Variants in KCNA4 observed in about 807,000 individuals in gnomAD.
KCNA4 encodes cardiac potassium channel.
A neutral mutation model predicts 37.2 loss-of-function variants in KCNA4; 5 were observed. That is an observed-to-expected ratio of 0.13 (90% CI 0.07 to 0.28). The LOEUF (loss-of-function observed/expected upper bound fraction) is 0.28, where lower values mean the gene tolerates loss of function less well. Among genes scored for constraint, KCNA4 ranks in the 10% least tolerant of loss-of-function variants. The pLI, the probability that KCNA4 is intolerant of heterozygous loss-of-function variation, is 1.00. For missense variants in KCNA4, 634 were observed against 817.4 expected, an observed-to-expected ratio of 0.78 and a Z score of 2.74; for synonymous variants, 350 against 311.8, an observed-to-expected ratio of 1.12 and a Z score of -1.29.
In KCNA4 at chr11:30,010,699, T is replaced by C. The variant is rs528239901; in HGVS notation, c.*18A>G. ...TTTGGAGATGCTGAGGGGGGAGCAG[T>C]GGCAGGTGGAAAAAGATTCACACAT... is the stretch of plus-strand genomic sequence containing the variant. On this transcript the variant is annotated 3_prime_UTR_variant, in exon 2 of 2. Coordinates refer to ENST00000328224, the MANE Select transcript of KCNA4 (RefSeq NM_002233.4). 1 of 1,574,902 alleles carries C rather than the reference T, an allele frequency of 6.3e-7. No homozygotes were observed. Among genetic ancestry groups the C allele is most frequent in the Admixed American group, 1.8e-5 (1 of 54,724 alleles).
chr11:30,011,430 T>C lies in KCNA4; in HGVS notation c.1249A>G (p.Ile417Val). The C allele has an allele frequency of 1.2e-6, 2 of 1,614,168 alleles. No individual in the cohort carries two copies. Among genetic ancestry groups the C allele is most frequent in the Non-Finnish European group, 1.7e-6 (2 of 1,180,032 alleles). ...IDIVSILPYF[I>V]TLGTDLAQQQ... ...TGGGCCAGGTCAGTGCCCAGTGTGA[T>C]GAAGTAAGGCAAAATGGAGACAATG... Residue 417 changes from isoleucine to valine, a missense_variant, in exon 2 of 2, where the codon ATC becomes GTC. Physicochemically the swap from Ile to Val is conservative, Grantham distance 29 (BLOSUM62 3). Transcript: ENST00000328224. This position sits in a 1 kb window ranked among gnomAD's most constrained non-coding sequence, Gnocchi z 5.6.
chr11:30,012,955 A>T lies in KCNA4; in HGVS notation c.-277T>A. On this transcript the variant is annotated 5_prime_UTR_variant, in exon 2 of 2. Coordinates refer to ENST00000328224, the MANE Select transcript of KCNA4 (RefSeq NM_002233.4). Reference sequence around the variant, plus strand: ...AGACTAAGAAGTCCGAAAATGCTGGAGTCTCTCAGACACCTATGTTTTGGG... The same window carrying T: ...AGACTAAGAAGTCCGAAAATGCTGGTGTCTCTCAGACACCTATGTTTTGGG... 1 of 353,512 alleles carries T rather than the reference A, an allele frequency of 2.8e-6. No individual in the cohort carries two copies. The highest frequency in any genetic ancestry group is 5.3e-6 in the Non-Finnish European group (1 of 190,320). 21.9% of individuals were successfully genotyped at this position (353,512 alleles called of 1,614,324 possible).
Position 30,012,319 on chromosome 11 carries a change from C to A in KCNA4, c.360G>T (p.Glu120Asp). The A allele has an allele frequency of 6.2e-7, 1 of 1,614,088 alleles. No individual in the cohort carries two copies. The highest frequency in any genetic ancestry group is 1.1e-5 in the South Asian group (1 of 91,074). The change falls in exon 2 of 2, where the codon GAG (glutamate) becomes GAT (aspartate). Residue 120 changes from glutamate (E) to aspartate (D), a missense_variant. This residue lies in a region of KCNA4 where 236 missense variants were observed against 229.5 expected (regional missense o/e 1.03). Transcript: ENST00000328224. ...PSGSEEKILRELSEEEEDEEE... is the reference protein window; with the variant it reads ...PSGSEEKILRDLSEEEEDEEE... ...CCTCATCTTCCTCCTCCTCACTCAG[C>A]TCCCTCAGGATCTTCTCCTCAGAGC...
rs1850303149 is a variant in KCNA4 at position 30,011,538 on chromosome 11, A to G, written c.1141T>C (p.Trp381Arg). The G allele has an allele frequency of 6.2e-7, 1 of 1,614,052 alleles. No individual in the cohort carries two copies. Among genetic ancestry groups the G allele is most frequent in the Non-Finnish European group, 8.5e-7 (1 of 1,180,036 alleles). Residue 381 changes from tryptophan to arginine, a missense_variant, in exon 2 of 2, where the codon TGG becomes CGG. Physicochemically the swap from Trp to Arg is moderately radical, Grantham distance 101 (BLOSUM62 -3). Around this residue, in one of 8 missense-constraint regions of KCNA4, gnomAD observed 252 missense variants for 344.2 expected, o/e 0.73. Transcript: ENST00000328224. The surrounding 1 kb of genome is among the most constrained non-coding windows in gnomAD (Gnocchi z 5.6). ...FFIVETVCIVWFSFEFVVRCF... is the reference protein window; with the variant it reads ...FFIVETVCIVRFSFEFVVRCF... ...CGAACCACAAACTCAAAGGAAAACC[A>G]TACAATACAGACTGTTTCCACGATG...
At position 30,010,557 on chromosome 11, in the gene KCNA4, G is replaced by T; in HGVS notation, c.*160C>A. Reference sequence around the variant, plus strand: ...CCAAGATGTATCATTTATTTGATATGTAATACAAGTTTAGTAACAATTATG... The same window carrying T: ...CCAAGATGTATCATTTATTTGATATTTAATACAAGTTTAGTAACAATTATG... On this transcript the variant is annotated 3_prime_UTR_variant, in exon 2 of 2. Coordinates refer to ENST00000328224, the MANE Select transcript of KCNA4 (RefSeq NM_002233.4). The T allele has an allele frequency of 9.6e-7, 1 of 1,036,708 alleles. No individual in the cohort carries two copies. The highest frequency in any genetic ancestry group is 1.3e-6 in the Non-Finnish European group (1 of 765,578). 64.2% of individuals were successfully genotyped at this position (1,036,708 alleles called of 1,614,324 possible). A position where few individuals can be genotyped will look rare whatever the true frequency, so the allele number is the denominator to read the frequency against.
Position 30,010,344 on chromosome 11 carries a change from C to T in KCNA4, c.*373G>A, listed in dbSNP as rs541223896. 1.6e-4 allele frequency: 33 copies of T among 200,480 alleles called. No individual in the cohort carries two copies. Among genetic ancestry groups the T allele is most frequent in the Non-Finnish European group, 2.9e-4 (29 of 100,654 alleles). The allele number at this position is 200,480 out of a possible 1,614,324, so 12.4% of individuals were successfully genotyped here. A position where few individuals can be genotyped will look rare whatever the true frequency, so the allele number is the denominator to read the frequency against. On this transcript the variant is annotated 3_prime_UTR_variant, in exon 2 of 2. Coordinates refer to ENST00000328224, the MANE Select transcript of KCNA4 (RefSeq NM_002233.4). ...CTTACATAGTAAATACTTCAAAATG[C>T]CAACTTTTCCCTTCACTGCACAATT...
Position 30,011,802 on chromosome 11 carries a change from T to C in KCNA4, c.877A>G (p.Ile293Val). ...TCTGGATATTCAAAGAGGAGCCAAA[T>C]CTGCTTTTTAAATTCATTCTCGGGG... ...ALPENEFKKQ[I>V]WLLFEYPESS... The change falls in exon 2 of 2, where the codon ATT (isoleucine) becomes GTT (valine). Residue 293 changes from isoleucine (I) to valine (V), a missense_variant. Around this residue, in one of 8 missense-constraint regions of KCNA4, gnomAD observed 252 missense variants for 344.2 expected, o/e 0.73. Coordinates refer to ENST00000328224, the MANE Select transcript of KCNA4 (RefSeq NM_002233.4). The surrounding 1 kb of genome is among the most constrained non-coding windows in gnomAD (Gnocchi z 5.6). 1 of 1,614,002 alleles carries C rather than the reference T, an allele frequency of 6.2e-7. No homozygotes were observed. Among genetic ancestry groups the C allele is most frequent in the South Asian group, 1.1e-5 (1 of 91,070 alleles).
At chr11:30,016,180 A>ACCGGC (rs1302996175) in intron 1 of KCNA4, among the ~76,000 whole-genome samples, 1 of 152,054 alleles carries the variant, frequency 6.6e-6, no homozygotes, top group Non-Finnish European at 1.5e-5. Context: ...AGACCCGTTC[A>ACCGGC]CCGGCTGTTC....
intron 1 of KCNA4, among the ~76,000 whole-genome samples, chr11:30,015,296 T>A (rs1850340979): frequency 1.3e-5 from 2 of 152,160 alleles, no homozygotes; most frequent in Non-Finnish European, 2.9e-5. Context: ...TCAAGACCGG[T>A]ACAGACCAAA....
rs758000088 is a variant in KCNA4, at chr11:30,011,559, C to T, written c.1120G>A (p.Val374Met). The T allele has an allele frequency of 2.7e-5, 43 of 1,613,940 alleles. No homozygotes were observed. The highest frequency in any genetic ancestry group is 6.7e-5 in the Admixed American group (4 of 59,988). ...HTIFNDPFFI[V>M]ETVCIVWFSF... The stretch of plus-strand genomic sequence containing the variant: ...AACCATACAATACAGACTGTTTCCA[C>T]GATGAAGAAGGGGTCATTGAATATT... Residue 374 changes from valine to methionine, a missense_variant, in exon 2 of 2, where the codon GTG becomes ATG. By Grantham distance (21) the Val-to-Met change is conservative. Around this residue, in one of 8 missense-constraint regions of KCNA4, gnomAD observed 252 missense variants for 344.2 expected, o/e 0.73. Coordinates refer to ENST00000328224, the MANE Select transcript of KCNA4 (RefSeq NM_002233.4). This position sits in a 1 kb window ranked among gnomAD's most constrained non-coding sequence, Gnocchi z 5.6.
chr11:30,012,413 C>T lies in KCNA4; in HGVS notation c.266G>A (p.Arg89Gln), dbSNP rs779101828. The T allele has an allele frequency of 3.3e-5, 54 of 1,613,790 alleles. No homozygotes were observed. In the Middle Eastern group the frequency reaches 8.2e-4, roughly 25 times the overall value. Reference sequence around the variant, plus strand: ...GTAGTGGGCTTTCTTCTTCTCAGACCGCTGTCGCCTCCTCCTCCGACTACC... The same window carrying T: ...GTAGTGGGCTTTCTTCTTCTCAGACTGCTGTCGCCTCCTCCTCCGACTACC... ...SRGSRRRRRQ[R>Q]SEKKKAHYRQ... The change falls in exon 2 of 2, where the codon CGG (arginine) becomes CAG (glutamine). Residue 89 changes from arginine to glutamine, a missense_variant. By Grantham distance (43) the Arg-to-Gln change is conservative (BLOSUM62 1). Around this residue, in one of 8 missense-constraint regions of KCNA4, gnomAD observed 236 missense variants for 229.5 expected, o/e 1.03. Transcript: ENST00000328224.
At position 30,012,656 on chromosome 11, in the gene KCNA4, G is replaced by A. The variant is rs1221863870; in HGVS notation, c.23C>T (p.Ala8Val). 7 of 1,561,882 alleles carry A rather than the reference G, an allele frequency of 4.5e-6. No individual in the cohort carries two copies. Among genetic ancestry groups the A allele is most frequent in the Admixed American group, 1.9e-5 (1 of 52,276 alleles). Residue 8 changes from alanine to valine, a missense_variant, in exon 2 of 2, where the codon GCG becomes GTG. Coordinates refer to ENST00000328224, the MANE Select transcript of KCNA4 (RefSeq NM_002233.4). ...GTGACTGTTGCACCCTGAGCTCTCC[G>A]CACTCACCATTGCAACCTCCATGGT... Reference protein sequence around the residue: MEVAMVSAESSGCNSHMP... With the variant: MEVAMVSVESSGCNSHMP...
Position 30,012,637 on chromosome 11 carries a change from G to C in KCNA4, c.42C>G (p.Asn14Lys), listed in dbSNP as rs1398311354. 6.3e-7 allele frequency: 1 copy of C among 1,593,528 alleles called. No individual in the cohort carries two copies. Among genetic ancestry groups the C allele is most frequent in the Admixed American group, 1.7e-5 (1 of 58,302 alleles). ...AMVSAESSGCNSHMPYGYAAQ... is the reference protein window; with the variant it reads ...AMVSAESSGCKSHMPYGYAAQ... ...CAGCATAACCATAAGGCATGTGACTGTTGCACCCTGAGCTCTCCGCACTCA... is the reference window on the plus strand; with the variant it reads ...CAGCATAACCATAAGGCATGTGACTCTTGCACCCTGAGCTCTCCGCACTCA... The change falls in exon 2 of 2, where the codon AAC becomes AAG. Residue 14 changes from asparagine to lysine, a missense_variant. Physicochemically the swap from Asn to Lys is moderately conservative, Grantham distance 94. Around this residue, in one of 8 missense-constraint regions of KCNA4, gnomAD observed 236 missense variants for 229.5 expected, o/e 1.03. Coordinates refer to ENST00000328224, the MANE Select transcript of KCNA4 (RefSeq NM_002233.4).
At chr11:30,014,534 C>A (rs1850334324) in intron 1 of KCNA4, among the ~76,000 whole-genome samples, 1 of 151,872 alleles carries the variant, frequency 6.6e-6, no homozygotes, top group Non-Finnish European at 1.5e-5. Flanking sequence ...CTTACCCCCA[C>A]TTCAATAAAA....
chr11:30,012,602 C>G lies in KCNA4; in HGVS notation c.77G>C (p.Arg26Pro). ...AGCAAGCCTCTCCCGCTCCCGGGCC[C>G]GGGCCTGGGCAGCATAACCATAAGG... Reference protein sequence around the residue: ...HMPYGYAAQARARERERLAHS... With the variant: ...HMPYGYAAQAPARERERLAHS... The change falls in exon 2 of 2, where the codon CGG becomes CCG. Residue 26 changes from arginine (R) to proline (P), a missense_variant. Arg to Pro is a moderately radical substitution (Grantham distance 103). Coordinates refer to ENST00000328224, the MANE Select transcript of KCNA4 (RefSeq NM_002233.4). 1 of 1,607,584 alleles carries G rather than the reference C, an allele frequency of 6.2e-7. No homozygotes were observed.
At chr11:30,014,458 T>A (rs1006893984) in intron 1 of KCNA4, among the ~76,000 whole-genome samples, 5 of 152,172 alleles carry the variant, frequency 3.3e-5, no homozygotes, top group Admixed American at 6.5e-5. Context: ...TCCACTCTGC[T>A]CAAGGGACTA....
chr11:30,012,387 G>A lies in KCNA4; in HGVS notation c.292C>T (p.Arg98Trp), dbSNP rs781470228. 9 of 1,614,054 alleles carry A rather than the reference G, an allele frequency of 5.6e-6. No homozygotes were observed. The highest frequency in any genetic ancestry group is 5.9e-6 in the Non-Finnish European group (7 of 1,180,034). Residue 98 changes from arginine to tryptophan, a missense_variant, in exon 2 of 2, where the codon CGG (arginine) becomes TGG (tryptophan). This residue lies in a region of KCNA4 where 236 missense variants were observed against 229.5 expected (regional missense o/e 1.03). Coordinates refer to ENST00000328224, the MANE Select transcript of KCNA4 (RefSeq NM_002233.4). ...QRSEKKKAHYRQSSFPHCSDL... is the reference protein window; with the variant it reads ...QRSEKKKAHYWQSSFPHCSDL... ...GAGCAATGAGGGAAGCTGCTCTGCC[G>A]GTAGTGGGCTTTCTTCTTCTCAGAC...
In KCNA4 at chr11:30,012,986, A is replaced by G. The variant is rs572755813; in HGVS notation, c.-308T>C. On this transcript the variant is annotated 5_prime_UTR_variant, in exon 2 of 2. Coordinates refer to ENST00000328224, the MANE Select transcript of KCNA4 (RefSeq NM_002233.4). ...TCAGACACCTATGTTTTGGGGGTAG[A>G]TGTTGAAATTTGGAAATATGTCTGG... 15 of 271,314 alleles carry G rather than the reference A, an allele frequency of 5.5e-5. No individual in the cohort carries two copies. The highest frequency in any genetic ancestry group is 3.3e-4 in the African/African-American group (15 of 45,306). 16.8% of individuals were successfully genotyped at this position (271,314 alleles called of 1,614,324 possible).
Position 30,010,856 on chromosome 11 carries a change from T to C in KCNA4, c.1823A>G (p.Lys608Arg), listed in dbSNP as rs915510691. Residue 608 changes from lysine to arginine, a missense_variant, in exon 2 of 2, where the codon AAG becomes AGG. Physicochemically the swap from Lys to Arg is conservative, Grantham distance 26 (BLOSUM62 2). Coordinates refer to ENST00000328224, the MANE Select transcript of KCNA4 (RefSeq NM_002233.4). ...TTCTTCCATCTCTAGATACTCTGAC[T>C]TGTCCCCCAGGGAAGAAGAAGTAGA... is the stretch of plus-strand genomic sequence containing the variant. ...RSSTSSSLGDKSEYLEMEEGV... is the reference protein window; with the variant it reads ...RSSTSSSLGDRSEYLEMEEGV... The C allele has an allele frequency of 5.0e-6, 8 of 1,614,104 alleles. No homozygotes were observed. In the Admixed American group the frequency reaches 6.7e-5, roughly 13 times the overall value.
Sources: gnomAD v4.1 joint callset for allele counts (sites outside exome capture counted in the v4.1 genomes callset) on GRCh38, gnomAD v4.1.1 for gene constraint, gnomAD v4.1.1 regional missense constraint, Gnocchi (gnomAD v3.1) non-coding constraint, MANE v1.5 for transcripts, NCBI Gene and HGNC (gene_info 2026-07-23, HGNC 2026-07-21) for gene names.